GCA: variants seen among roughly 807,000 people sequenced by gnomAD.
The protein encoded by GCA is grancalcin, EF-hand calcium-binding protein.
Under a neutral mutation model 32.6 loss-of-function variants are expected in GCA, and 30 were observed. That is an observed-to-expected ratio of 0.92 (90% confidence interval 0.69 to 1.25). The LOEUF (loss-of-function observed/expected upper bound fraction) is 1.25, where lower values mean the gene tolerates loss of function less well. Among genes scored for constraint, GCA ranks in the 50% most tolerant of loss-of-function variants. The probability of loss-of-function intolerance (pLI) is 0.00; values close to 1 mark genes in which losing one functional copy is unlikely to be tolerated. For synonymous variants in GCA, 102 were observed against 84.6 expected, an observed-to-expected ratio of 1.21 and a Z score of -1.13; for missense variants, 291 against 266.8, an observed-to-expected ratio of 1.09 and a Z score of -0.63.
downstream of GCA, among the ~76,000 whole-genome samples, chr2:162,373,047 C>G (rs996607078): frequency 6.6e-6 from 1 of 152,104 alleles, no homozygotes; most frequent in South Asian, 2.1e-4. Flanking sequence ...TTCCTGAGAC[C>G]TCTCCCAGCC....
chr2:162,362,453 A>T lies in GCA; in HGVS notation c.*2210A>T. The T allele has an allele frequency of 1.0e-6, 1 of 963,386 alleles. No homozygotes were observed. The highest frequency in any genetic ancestry group is 1.8e-5 in the African/African-American group (1 of 56,830). 59.7% of individuals were successfully genotyped at this position (963,386 alleles called of 1,614,324 possible). On this transcript the variant is annotated 3_prime_UTR_variant, in exon 8 of 8. Coordinates refer to ENST00000437150, the MANE Select transcript of GCA (RefSeq NM_012198.5). The stretch of plus-strand genomic sequence containing the variant: ...AATAACTGATATTTTTATGATGAAC[A>T]TGACTGTAATATGAATATAGTATAG...
intron 1 of GCA, among the ~76,000 whole-genome samples, chr2:162,347,079 T>C (rs1684747845): frequency 6.6e-6 from 1 of 152,226 alleles, no homozygotes. Flanking sequence ...CCTTTTCCCA[T>C]ATTTTATATT....
chr2:162,328,221 A>C (rs1212418451), intron 1 of GCA, among the ~76,000 whole-genome samples: 1 of 132,206 alleles, frequency 7.6e-6, no homozygotes, highest in Non-Finnish European at 1.5e-5. Context: ...TTTCTACCAA[A>C]AAAAAAAAAA....
At chr2:162,373,959 G>A (rs74385381), downstream of GCA, among the ~76,000 whole-genome samples, 9 of 152,178 alleles carry the variant, frequency 5.9e-5, no homozygotes, top group Non-Finnish European at 1.0e-4. Flanking sequence ...AAAACACACT[G>A]ACAATTTATT....
intron 2 of GCA, among the ~76,000 whole-genome samples, chr2:162,351,321 T>C (rs1684986882): frequency 6.6e-6 from 1 of 152,168 alleles, no homozygotes; most frequent in Admixed American, 6.5e-5. Flanking sequence ...ACTGAACAAA[T>C]AGGACTTGAA....
chr2:162,324,832 C>T lies in GCA; in HGVS notation c.-31+5607C>T, dbSNP rs1022817247. ...CAACTAACTGCTGTTAGAATATGGA[C>T]GATGACCGGTTTTAACTGCTTCCTG... On this transcript the variant is annotated intron_variant, in intron 1 of 4. Coordinates refer to the GCA transcript ENST00000429691. Among the ~76,000 whole-genome samples, 9 of 152,236 alleles carry T rather than the reference C, an allele frequency of 5.9e-5. No individual in the cohort carries two copies. In the South Asian group the frequency reaches 1.2e-3, roughly 21 times the overall value.
downstream of GCA, among the ~76,000 whole-genome samples, chr2:162,366,147 C>T (rs565152367): frequency 1.4e-4 from 21 of 151,836 alleles, no homozygotes; most frequent in Admixed American, 1.4e-3. Context: ...ATGGAAGTCA[C>T]AGATGTAGTG....
upstream of GCA, among the ~76,000 whole-genome samples, chr2:162,339,326 A>G (rs1035592232): frequency 9.2e-5 from 14 of 152,188 alleles, no homozygotes; most frequent in African/African-American, 3.4e-4. Context: ...TAATTTCTGG[A>G]AAAGTATGAT....
At chr2:162,344,724 A>G (rs962341851) in intron 1 of GCA, among the ~76,000 whole-genome samples, 1 of 151,036 alleles carries the variant, frequency 6.6e-6, no homozygotes, top group Admixed American at 6.6e-5. Flanking sequence ...CCTAATCTTT[A>G]CTGTTATACG....
In GCA at chr2:162,362,525, A is replaced by T; in HGVS notation, c.*2282A>T. ...CACCCCAGTTCTTTTACGATGATGT[A>T]AATTATTGAATAATGTACACTCTTA... On this transcript the variant is annotated 3_prime_UTR_variant, in exon 8 of 8. Transcript: ENST00000437150. The T allele has an allele frequency of 1.0e-6, 1 of 967,326 alleles. No individual in the cohort carries two copies. The highest frequency in any genetic ancestry group is 5.4e-4 in the Middle Eastern group (1 of 1,866). The allele number at this position is 967,326 out of a possible 1,614,324, so 59.9% of individuals were successfully genotyped here. A position where few individuals can be genotyped will look rare whatever the true frequency, so the allele number is the denominator to read the frequency against.
intron 1 of GCA, among the ~76,000 whole-genome samples, chr2:162,337,073 A>G (rs1684292804): frequency 2.0e-5 from 3 of 152,214 alleles, no homozygotes; most frequent in African/African-American, 4.8e-5. Flanking sequence ...CCACCTGCCC[A>G]TAAAGATCTA....
At chr2:162,348,491 C>G (rs981596464) in intron 2 of GCA, among the ~76,000 whole-genome samples, 2 of 151,806 alleles carry the variant, frequency 1.3e-5, no homozygotes, top group Non-Finnish European at 2.9e-5. Context: ...TCCAGGTTAT[C>G]AAAATAATCA....
At chr2:162,318,999 G>C (rs1043975413), upstream of GCA, 13 of 367,512 alleles carry the variant, frequency 3.5e-5, no homozygotes, top group Non-Finnish European at 7.1e-5. Context: ...CAAAGGGGAA[G>C]TGAACAGAAA....
chr2:162,340,409 C>T (rs1486874167), upstream of GCA, among the ~76,000 whole-genome samples: 1 of 152,174 alleles, frequency 6.6e-6, no homozygotes, highest in Non-Finnish European at 1.5e-5. Context: ...CTGGCTATAC[C>T]TTAAAAACAG....
chr2:162,319,162 C>G (rs534486158), exon 1 of GCA: 2 of 456,782 alleles, frequency 4.4e-6, no homozygotes, highest in Non-Finnish European at 8.8e-6. Flanking sequence ...GGAAGTCCTT[C>G]CTAAAATAAA....
At chr2:162,350,688 TC>T (rs904849548) in intron 2 of GCA, among the ~76,000 whole-genome samples, 1 of 152,202 alleles carries the variant, frequency 6.6e-6, no homozygotes, top group African/African-American at 2.4e-5. Flanking sequence ...ATTTTAATTG[TC>T]AGCAATAAAT....
intron 2 of GCA, 79 bp from the exon 3 acceptor site, chr2:162,352,259 G>T (rs1685038690): frequency 7.1e-6 from 6 of 845,140 alleles, no homozygotes; most frequent in South Asian, 7.0e-5. Flanking sequence ...GTCTTGATTG[G>T]CCTAGAACAG....
chr2:162,344,351 G>T, intron 1 of GCA, 76 bp downstream of exon 1: 1 of 1,433,358 alleles, frequency 7.0e-7, no homozygotes, highest in South Asian at 1.2e-5. Context: ...CAACGTGCGG[G>T]TCCGCCCTTG....
At chr2:162,357,792 T>G (rs1044688431) in intron 5 of GCA, among the ~76,000 whole-genome samples, 1 of 151,602 alleles carries the variant, frequency 6.6e-6, no homozygotes, top group Non-Finnish European at 1.5e-5. Context: ...TAATGTAATC[T>G]TTGGCAGAAA....
Sources: gnomAD v4.1 joint callset for allele counts (sites outside exome capture counted in the v4.1 genomes callset) on GRCh38, gnomAD v4.1.1 for gene constraint, MANE v1.5 for transcripts, NCBI Gene and HGNC (gene_info 2026-07-23, HGNC 2026-07-21) for gene names.